The following VPS41 variants were observed in gnomAD, a reference collection of about 807,000 sequenced individuals.
The protein encoded by VPS41 is VPS41 subunit of HOPS complex.
Under a neutral mutation model 130.9 loss-of-function variants are expected in VPS41, and 85 were observed. That is an observed-to-expected ratio of 0.65 (90% CI 0.55 to 0.78). The LOEUF (loss-of-function observed/expected upper bound fraction) is 0.78. Ranked by LOEUF, VPS41 falls within the 30% of genes least tolerant of loss-of-function variation. The pLI is 0.00. For synonymous variants in VPS41, 335 were observed against 332.9 expected (o/e 1.01, Z -0.07); for missense variants, 874 against 1,018.7 (o/e 0.86, Z 1.93).
intron 22 of VPS41, chr7:38,745,869 A>C: frequency 2.5e-6 from 1 of 394,788 alleles, no homozygotes; most frequent in South Asian, 3.9e-5. Context: ...GTAGAAAACA[A>C]GACACCAAAT....
chr7:38,862,353 C>T (rs1246200880), intron 4 of VPS41, among the ~76,000 whole-genome samples, 192 bp downstream of exon 4: 2 of 152,022 alleles, frequency 1.3e-5, no homozygotes, highest in African/African-American at 4.8e-5. Flanking sequence ...TGTATCTAGA[C>T]CCCTTTCTTT....
intron 2 of VPS41, among the ~76,000 whole-genome samples, chr7:38,885,200 A>G (rs1297114785): frequency 6.6e-6 from 1 of 152,144 alleles, no homozygotes; most frequent in Non-Finnish European, 1.5e-5. Context: ...CAGCCTCCCA[A>G]GTAGCTGGAA....
chr7:38,897,408 G>A (rs1042136754), intron 2 of VPS41, among the ~76,000 whole-genome samples: 1 of 151,926 alleles, frequency 6.6e-6, no homozygotes, highest in Non-Finnish European at 1.5e-5. Flanking sequence ...CACTTTGGGA[G>A]GCAGAGGCGG....
At chr7:38,853,186 G>A (rs549761499) in intron 4 of VPS41, among the ~76,000 whole-genome samples, 2 of 152,218 alleles carry the variant, frequency 1.3e-5, no homozygotes, top group Non-Finnish European at 1.5e-5. Flanking sequence ...TTGGGAAGCC[G>A]AGGTGGGCGG....
At chr7:38,788,867 G>A (rs1442070749) in intron 10 of VPS41, among the ~76,000 whole-genome samples, 3 of 152,096 alleles carry the variant, frequency 2.0e-5, no homozygotes, top group Non-Finnish European at 2.9e-5. Flanking sequence ...AACCACATTA[G>A]TCATGTGGGT....
chr7:38,801,799 C>T (rs947018897), intron 7 of VPS41, among the ~76,000 whole-genome samples: 2 of 152,250 alleles, frequency 1.3e-5, no homozygotes, highest in South Asian at 2.1e-4. Flanking sequence ...GTAGGCTATC[C>T]GAGTCTACTA....
At chr7:38,762,643 A>G (rs1428006885) in intron 17 of VPS41, among the ~76,000 whole-genome samples, 2 of 152,236 alleles carry the variant, frequency 1.3e-5, no homozygotes, top group East Asian at 1.9e-4. Context: ...GTCTCTCCAC[A>G]TAATATGTGA....
intron 4 of VPS41, among the ~76,000 whole-genome samples, chr7:38,850,567 T>A (rs1785831708): frequency 6.6e-6 from 1 of 152,218 alleles, no homozygotes; most frequent in African/African-American, 2.4e-5. Context: ...TGAAAGTCAA[T>A]GTCTCCCTAA....
intron 7 of VPS41, among the ~76,000 whole-genome samples, chr7:38,802,780 C>T (rs1175532178): frequency 1.3e-5 from 2 of 152,006 alleles, no homozygotes; most frequent in Non-Finnish European, 2.9e-5. Flanking sequence ...CTACTGAGCA[C>T]GAATGTTCTA....
Position 38,723,075 on chromosome 7 carries a change from C to T in VPS41, c.*3171G>A, listed in dbSNP as rs188765834. On this transcript the variant is annotated 3_prime_UTR_variant, in exon 29 of 29. Transcript: ENST00000310301. ...TAAGGAAAAGAAAATATATTTACTA[C>T]TCATTAAGTAGAAGTGGATCATCAT... 2.6e-5 allele frequency: 4 copies of T among 152,162 alleles called. No individual in the cohort carries two copies. The East Asian group carries it at 7.7e-4, about 29-fold the overall frequency. The allele number at this position is 152,162 out of a possible 1,614,324, so 9.4% of individuals were successfully genotyped here. A position where few individuals can be genotyped will look rare whatever the true frequency, so the allele number is the denominator to read the frequency against.
intron 4 of VPS41, among the ~76,000 whole-genome samples, chr7:38,860,646 G>A (rs920714849): frequency 6.1e-4 from 92 of 150,982 alleles, no homozygotes; most frequent in African/African-American, 2.0e-3. Context: ...TACTATTGAC[G>A]GACATTTGAG....
chr7:38,834,701 G>C (rs749495550), intron 4 of VPS41, among the ~76,000 whole-genome samples: 1 of 151,928 alleles, frequency 6.6e-6, no homozygotes, highest in Non-Finnish European at 1.5e-5. Context: ...AATTTAAGAA[G>C]ATCAAAAAGA....
intron 17 of VPS41, among the ~76,000 whole-genome samples, chr7:38,759,398 TTC>T (rs1783868625): frequency 6.6e-6 from 1 of 152,200 alleles, no homozygotes; most frequent in Non-Finnish European, 1.5e-5. Flanking sequence ...TTCTCCTAAA[TTC>T]TCAAAACAAA....
At chr7:38,780,693 T>C (rs1031689582) in intron 10 of VPS41, among the ~76,000 whole-genome samples, 1 of 152,168 alleles carries the variant, frequency 6.6e-6, no homozygotes, top group African/African-American at 2.4e-5. Context: ...TAATTTAAAA[T>C]TTCCCAGTAG....
intron 4 of VPS41, among the ~76,000 whole-genome samples, chr7:38,835,867 A>T (rs1464341417): frequency 6.6e-6 from 1 of 151,698 alleles, no homozygotes; most frequent in Non-Finnish European, 1.5e-5. Context: ...GGGTACAATG[A>T]TTATACTCAA....
At chr7:38,746,364 A>C (rs1795984962) in intron 22 of VPS41, among the ~76,000 whole-genome samples, 1 of 152,120 alleles carries the variant, frequency 6.6e-6, no homozygotes, top group African/African-American at 2.4e-5. Context: ...GGGTCAGGTT[A>C]GATAGAGATG....
At chr7:38,837,743 G>A (rs979372132) in intron 4 of VPS41, among the ~76,000 whole-genome samples, 1 of 152,122 alleles carries the variant, frequency 6.6e-6, no homozygotes, top group Non-Finnish European at 1.5e-5. Flanking sequence ...TATACTTACA[G>A]TATTTGTATA....
chr7:38,755,420 T>G (rs1469568658), intron 19 of VPS41, among the ~76,000 whole-genome samples: 1 of 152,236 alleles, frequency 6.6e-6, no homozygotes, highest in South Asian at 2.1e-4. Context: ...AGAAAGAGAA[T>G]GAGATACCTG....
At chr7:38,729,411 G>GGTGTGT (rs35778384) in intron 25 of VPS41, among the ~76,000 whole-genome samples, 12 of 151,004 alleles carry the variant, frequency 7.9e-5, no homozygotes, top group South Asian at 2.1e-4. Context: ...CTATGAATGT[G>GGTGTGT]GTGTGTGTGT....
Sources: gnomAD v4.1 joint callset for allele counts (sites outside exome capture counted in the v4.1 genomes callset) on GRCh38, gnomAD v4.1.1 for gene constraint, MANE v1.5 for transcripts, NCBI Gene and HGNC (gene_info 2026-07-23, HGNC 2026-07-21) for gene names.